Variants in NKAIN2 observed in about 807,000 individuals in gnomAD.
NKAIN2 encodes sodium/potassium-transporting ATPase subunit beta-1-interacting protein 2.
A neutral mutation model predicts 32.6 loss-of-function variants in NKAIN2; 14 were observed. The ratio of observed to expected loss-of-function variants is 0.43; its 90% CI spans 0.28 to 0.67. NKAIN2 has a LOEUF of 0.67. NKAIN2 is among the 30% of genes least tolerant of loss of function. The probability of loss-of-function intolerance (pLI) is 0.17; values close to 1 mark genes in which losing one functional copy is unlikely to be tolerated. For synonymous variants in NKAIN2, 80 were observed against 87.2 expected, an observed-to-expected ratio of 0.92 and a Z score of 0.46; for missense variants, 198 against 258.3, an observed-to-expected ratio of 0.77 and a Z score of 1.60.
intron 4 of NKAIN2, among the ~76,000 whole-genome samples, chr6:124,697,663 T>A: frequency 6.6e-6 from 1 of 152,342 alleles, no homozygotes; most frequent in African/African-American, 2.4e-5. Flanking sequence ...TTGCAGCACT[T>A]CAGCTAACTT....
chr6:123,988,517 A>G (rs1562294700), intron 1 of NKAIN2, among the ~76,000 whole-genome samples: 2 of 152,286 alleles, frequency 1.3e-5, no homozygotes, highest in South Asian at 2.1e-4. Context: ...ACCCAGGAAT[A>G]AGGAATGCCC....
chr6:124,330,402 T>C (rs1285061858), intron 2 of NKAIN2, among the ~76,000 whole-genome samples: 2 of 152,186 alleles, frequency 1.3e-5, no homozygotes, highest in Non-Finnish European at 2.9e-5. Flanking sequence ...GGAAAAGATT[T>C]GCTGCAATTC....
intron 1 of NKAIN2, among the ~76,000 whole-genome samples, chr6:124,057,012 ATT>A (rs979326459): frequency 3.3e-5 from 5 of 152,072 alleles, no homozygotes; most frequent in African/African-American, 1.2e-4. Context: ...CTTCCAATTA[ATT>A]TGTTTTCACC....
intron 4 of NKAIN2, among the ~76,000 whole-genome samples, chr6:124,754,312 T>A (rs1457597700): frequency 6.6e-6 from 1 of 152,110 alleles, no homozygotes; most frequent in Non-Finnish European, 1.5e-5. Context: ...ACTGAATTCC[T>A]TGTCTTATTT....
intron 4 of NKAIN2, among the ~76,000 whole-genome samples, chr6:124,758,544 C>T (rs1264373337): frequency 6.6e-6 from 1 of 152,076 alleles, no homozygotes; most frequent in African/African-American, 2.4e-5. Flanking sequence ...GCTATAGCAG[C>T]CTGAACAGAC....
intron 1 of NKAIN2, among the ~76,000 whole-genome samples, chr6:124,024,153 A>G (rs1203691521): frequency 6.6e-6 from 1 of 152,130 alleles, no homozygotes; most frequent in Non-Finnish European, 1.5e-5. Context: ...AAAAAGAAAT[A>G]ATGTTTCAAG....
At chr6:124,517,039 T>C (rs1191255478) in intron 3 of NKAIN2, among the ~76,000 whole-genome samples, 2 of 152,198 alleles carry the variant, frequency 1.3e-5, no homozygotes, top group Admixed American at 6.5e-5. Flanking sequence ...TTCTGTATAC[T>C]CTAAAGAACA....
At chr6:124,721,201 G>C (rs1400755959) in intron 4 of NKAIN2, among the ~76,000 whole-genome samples, 1 of 152,056 alleles carries the variant, frequency 6.6e-6, no homozygotes, top group Non-Finnish European at 1.5e-5. Flanking sequence ...AGGATCACGA[G>C]GTCAGGAGAT....
At chr6:124,575,771 C>T (rs1256064044) in intron 3 of NKAIN2, among the ~76,000 whole-genome samples, 2 of 152,162 alleles carry the variant, frequency 1.3e-5, no homozygotes, top group African/African-American at 4.8e-5. Context: ...GCTAGTACTG[C>T]TTCTCTCTTA....
intron 5 of NKAIN2, among the ~76,000 whole-genome samples, chr6:124,799,414 T>C (rs769691383): frequency 6.6e-5 from 10 of 152,208 alleles, no homozygotes; most frequent in Non-Finnish European, 1.5e-4. Context: ...TTATTTTCTT[T>C]CTTTTCTAAT....
intron 1 of NKAIN2, among the ~76,000 whole-genome samples, chr6:124,255,553 T>A (rs771202557): frequency 1.1e-4 from 16 of 152,222 alleles, no homozygotes; most frequent in African/African-American, 3.1e-4. Flanking sequence ...GCCGCATTTT[T>A]ATTCAACAGC....
intron 3 of NKAIN2, among the ~76,000 whole-genome samples, chr6:124,499,867 T>C (rs149459407): frequency 1.5e-3 from 222 of 152,310 alleles, no homozygotes; most frequent in African/African-American, 5.1e-3. Context: ...TACTTGGAGT[T>C]GGACAGGAAA....
intron 1 of NKAIN2, among the ~76,000 whole-genome samples, chr6:124,042,243 T>G (rs1236952794): frequency 6.6e-6 from 1 of 152,092 alleles, no homozygotes; most frequent in Admixed American, 6.6e-5. Flanking sequence ...GCACAGTCAC[T>G]TCTCACCTAA....
chr6:123,843,068 G>A (rs565223863), intron 1 of NKAIN2, among the ~76,000 whole-genome samples: 1 of 152,222 alleles, frequency 6.6e-6, no homozygotes, highest in South Asian at 2.1e-4. Context: ...ACAATATCTA[G>A]GGTTGTCCAT....
intron 1 of NKAIN2, among the ~76,000 whole-genome samples, chr6:124,169,747 ATCT>A (rs1482343635): frequency 1.3e-5 from 2 of 152,052 alleles, no homozygotes; most frequent in Admixed American, 6.6e-5. Flanking sequence ...TAGGATGGAA[ATCT>A]TCTTAGGTGG....
chr6:124,039,695 G>A (rs550054920), intron 1 of NKAIN2, among the ~76,000 whole-genome samples: 2 of 151,670 alleles, frequency 1.3e-5, no homozygotes, highest in Non-Finnish European at 2.9e-5. Flanking sequence ...TATAAAATTT[G>A]CCCTTTGCTG....
At chr6:123,993,641 C>CTGGGGTGA (rs1466239355) in intron 1 of NKAIN2, among the ~76,000 whole-genome samples, 2 of 152,238 alleles carry the variant, frequency 1.3e-5, no homozygotes, top group South Asian at 4.1e-4. Flanking sequence ...ATCAGTGTTT[C>CTGGGGTGA]TAGGGTGATC....
At chr6:124,552,615 C>G (rs887470150) in intron 3 of NKAIN2, among the ~76,000 whole-genome samples, 1 of 152,154 alleles carries the variant, frequency 6.6e-6, no homozygotes. Flanking sequence ...TATTACACAG[C>G]TAGTGTAGCC....
chr6:124,363,236 A>G (rs184156517), intron 3 of NKAIN2, among the ~76,000 whole-genome samples: 1 of 152,316 alleles, frequency 6.6e-6, no homozygotes, highest in Non-Finnish European at 1.5e-5. Flanking sequence ...TTGTGTGTGT[A>G]TATTGTAAAC....
Sources: allele counts gnomAD v4.1 joint callset (sites outside exome capture counted in the v4.1 genomes callset), GRCh38; gene constraint gnomAD v4.1.1; transcripts MANE v1.5; gene names NCBI Gene and HGNC (gene_info 2026-07-23, HGNC 2026-07-21).